The following MALRD1 variants were observed in gnomAD, a reference collection of about 807,000 sequenced individuals.
The protein encoded by MALRD1 is MAM and LDL-receptor class A domain-containing protein 1.
Under a neutral mutation model 242.1 loss-of-function variants are expected in MALRD1, and 247 were observed. The observed-to-expected ratio is 1.02, with a 90% confidence interval of 0.92 to 1.13. The LOEUF (loss-of-function observed/expected upper bound fraction) is 1.13, where lower values mean the gene tolerates loss of function less well. MALRD1 is among the 50% of genes most tolerant of loss of function. MALRD1 has a pLI of 0.00. For synonymous variants in MALRD1, 995 were observed against 866.6 expected, an observed-to-expected ratio of 1.15 and a Z score of -2.60; for missense variants, 2,989 against 2,533.1, an observed-to-expected ratio of 1.18 and a Z score of -3.86.
chr10:19,346,596 G>A (rs1054919060), intron 24 of MALRD1, among the ~76,000 whole-genome samples: 10 of 152,028 alleles, frequency 6.6e-5, no homozygotes, highest in Admixed American at 1.3e-4. Context: ...AATTATTGTC[G>A]TTAAAGAATT....
intron 26 of MALRD1, among the ~76,000 whole-genome samples, chr10:19,366,998 C>G (rs1845138181): frequency 6.6e-6 from 1 of 152,044 alleles, no homozygotes; most frequent in Admixed American, 6.6e-5. Context: ...TAAATTGCCA[C>G]ATCATAATTG....
Position 19,188,500 on chromosome 10 carries a change from G to A in MALRD1, c.1951+13172G>A, listed in dbSNP as rs1196127900. 2.0e-4 allele frequency among the ~76,000 whole-genome samples: 30 copies of A among 152,146 alleles called. 1 individual carries two copies. Among genetic ancestry groups the A allele is most frequent in the Non-Finnish European group, 2.9e-5 (2 of 68,014 alleles). On this transcript the variant is annotated intron_variant, in intron 14 of 39. Transcript: ENST00000454679. Reference sequence around the variant, plus strand: ...TGGTTAAAATACAATACTCATGTCAGTCAGGAAAGGGGAATGAATATTTGA... The same window carrying A: ...TGGTTAAAATACAATACTCATGTCAATCAGGAAAGGGGAATGAATATTTGA...
chr10:19,530,145 A>T (rs1335820040), intron 31 of MALRD1, among the ~76,000 whole-genome samples: 2 of 151,248 alleles, frequency 1.3e-5, no homozygotes, highest in East Asian at 3.9e-4. Context: ...TAACTAATGT[A>T]ACACACTAAT....
At chr10:19,334,893 G>T (rs1843534253) in intron 24 of MALRD1, among the ~76,000 whole-genome samples, 1 of 151,988 alleles carries the variant, frequency 6.6e-6, no homozygotes, top group Non-Finnish European at 1.5e-5. Flanking sequence ...CTTTCCTAGA[G>T]ATATAGTTTA....
chr10:19,518,027 T>G (rs547633572), intron 31 of MALRD1, among the ~76,000 whole-genome samples: 1 of 152,230 alleles, frequency 6.6e-6, no homozygotes, highest in Non-Finnish European at 1.5e-5. Flanking sequence ...CAAGTTTTTA[T>G]GAGCCAAACA....
chr10:19,434,799 A>G (rs961072107), intron 28 of MALRD1, among the ~76,000 whole-genome samples: 1 of 151,898 alleles, frequency 6.6e-6, no homozygotes, highest in Non-Finnish European at 1.5e-5. Flanking sequence ...GTATAAAATG[A>G]TTTTTCTTTT....
chr10:19,691,084 T>C (rs1347850568), intron 36 of MALRD1, among the ~76,000 whole-genome samples: 3 of 152,018 alleles, frequency 2.0e-5, no homozygotes, highest in African/African-American at 2.4e-5. Context: ...GTGTGAAAGA[T>C]TGACAAGTAG....
intron 31 of MALRD1, among the ~76,000 whole-genome samples, chr10:19,529,210 A>G (rs193277377): frequency 6.6e-6 from 1 of 152,322 alleles, no homozygotes; most frequent in African/African-American, 2.4e-5. Context: ...TTCAAGAAAA[A>G]CTATTTTACC....
At chr10:19,328,742 A>C (rs375018482) in intron 23 of MALRD1, among the ~76,000 whole-genome samples, 2 of 152,164 alleles carry the variant, frequency 1.3e-5, no homozygotes, top group East Asian at 3.9e-4. Context: ...TTTCTTATGA[A>C]TCACTTTTAG....
At chr10:19,632,048 AT>A (rs1312741844) in intron 36 of MALRD1, among the ~76,000 whole-genome samples, 1 of 152,136 alleles carries the variant, frequency 6.6e-6, no homozygotes, top group Non-Finnish European at 1.5e-5. Flanking sequence ...AAATAACAAA[AT>A]TTTCATGAAG....
chr10:19,353,682 A>G (rs1024561130), intron 26 of MALRD1, among the ~76,000 whole-genome samples: 10 of 152,238 alleles, frequency 6.6e-5, no homozygotes, highest in African/African-American at 2.4e-4. Flanking sequence ...TTTAATGCAA[A>G]GGTAATTGAC....
intron 10 of MALRD1, among the ~76,000 whole-genome samples, chr10:19,145,573 G>A (rs1477776065): frequency 2.0e-5 from 3 of 151,706 alleles, no homozygotes; most frequent in East Asian, 1.9e-4. Context: ...TTGAACCCAG[G>A]AGGTGGAGAT....
intron 32 of MALRD1, among the ~76,000 whole-genome samples, chr10:19,538,736 C>A (rs1261565879): frequency 6.6e-6 from 1 of 151,804 alleles, no homozygotes; most frequent in African/African-American, 2.4e-5. Flanking sequence ...AGGTAACTCA[C>A]AATTTATACT....
intron 36 of MALRD1, among the ~76,000 whole-genome samples, chr10:19,688,651 G>A (rs545250115): frequency 9.2e-5 from 14 of 152,202 alleles, no homozygotes; most frequent in South Asian, 2.1e-4. Context: ...TTCTGTTTTC[G>A]CTTCCAGCCC....
intron 24 of MALRD1, among the ~76,000 whole-genome samples, chr10:19,343,212 C>T (rs1843961417): frequency 6.6e-6 from 1 of 152,064 alleles, no homozygotes; most frequent in Admixed American, 6.6e-5. Flanking sequence ...TAATGATAAT[C>T]AGCAAGTGAT....
In MALRD1 at chr10:19,450,615, G is replaced by A. The variant is rs1334959013; in HGVS notation, c.5029+125G>A. 7.2e-6 allele frequency: 6 copies of A among 834,090 alleles called. No individual in the cohort carries two copies. In the African/African-American group the frequency reaches 8.6e-5, roughly 12 times the overall value. 51.7% of individuals were successfully genotyped at this position (834,090 alleles called of 1,614,324 possible). ...GTACACATACACAAATCAATGGAAA[G>A]GTATAATTTTATAATTGTGAACTTA... On this transcript the variant is annotated intron_variant, in intron 29 of 39. Transcript: ENST00000454679.
At chr10:19,381,918 A>G (rs745434785) in intron 26 of MALRD1, among the ~76,000 whole-genome samples, 7 of 152,232 alleles carry the variant, frequency 4.6e-5, no homozygotes, top group Admixed American at 2.0e-4. Context: ...AATAAATGGT[A>G]TTTCCAACTG....
intron 30 of MALRD1, among the ~76,000 whole-genome samples, chr10:19,497,863 GAC>G (rs1226652277): frequency 9.5e-4 from 144 of 152,230 alleles, no homozygotes; most frequent in Middle Eastern, 3.4e-3. Context: ...TTTCACAGGT[GAC>G]TAGAAATAGA....
chr10:19,594,641 T>C (rs1046704844), intron 33 of MALRD1, among the ~76,000 whole-genome samples: 3 of 152,176 alleles, frequency 2.0e-5, no homozygotes, highest in African/African-American at 7.2e-5. Context: ...CTTCATGGAA[T>C]GCTACTCAGC....
Sources: allele counts gnomAD v4.1 joint callset (sites outside exome capture counted in the v4.1 genomes callset), GRCh38; gene constraint gnomAD v4.1.1; transcripts MANE v1.5; gene names NCBI Gene and HGNC (gene_info 2026-07-23, HGNC 2026-07-21).